Variants in CNTN4 observed in about 807,000 individuals in gnomAD.
CNTN4 encodes the protein contactin-4.
Under a neutral mutation model 122.5 loss-of-function variants are expected in CNTN4, and 77 were observed. That is an observed-to-expected ratio of 0.63 (90% CI 0.52 to 0.76). CNTN4 has a LOEUF of 0.76. Ranked by LOEUF, CNTN4 falls within the 30% of genes least tolerant of loss-of-function variation. CNTN4 has a pLI of 0.00. For synonymous variants in CNTN4, 512 were observed against 447.0 expected (o/e 1.15, Z -1.83); for missense variants, 1,256 against 1,259.1 (o/e 1.00, Z 0.04).
intron 3 of CNTN4, among the ~76,000 whole-genome samples, chr3:2,522,231 A>C (rs996841090): frequency 6.6e-6 from 1 of 151,742 alleles, no homozygotes; most frequent in Admixed American, 6.6e-5. Context: ...TACCAGTACA[A>C]TATGCTTTAC....
intron 4 of CNTN4, among the ~76,000 whole-genome samples, chr3:2,660,760 G>A (rs1162487799): frequency 1.3e-5 from 2 of 152,204 alleles, no homozygotes; most frequent in Admixed American, 6.5e-5. Context: ...ACACAGGAAT[G>A]CTTTTTTCCG....
At chr3:2,627,524 C>T (rs549344748) in intron 4 of CNTN4, among the ~76,000 whole-genome samples, 172 of 131,778 alleles carry the variant, frequency 1.3e-3, no homozygotes, top group Non-Finnish European at 2.3e-3. Context: ...GATGGAATCT[C>T]ACTCTGTCGC....
chr3:2,450,795 A>G (rs947162885), intron 3 of CNTN4, among the ~76,000 whole-genome samples: 1 of 152,240 alleles, frequency 6.6e-6, no homozygotes, highest in African/African-American at 2.4e-5. Context: ...ACCTGACTCA[A>G]CCAAACAAGT....
chr3:2,406,178 A>G (rs1361382451), intron 3 of CNTN4, among the ~76,000 whole-genome samples: 2 of 152,250 alleles, frequency 1.3e-5, no homozygotes, highest in Non-Finnish European at 2.9e-5. Context: ...TTTATTAATT[A>G]TAAAGGGGAA....
At chr3:2,859,531 T>G (rs1465118778) in intron 7 of CNTN4, among the ~76,000 whole-genome samples, 11 of 101,314 alleles carry the variant, frequency 1.1e-4, no homozygotes, top group Non-Finnish European at 7.9e-5. Flanking sequence ...AAAAGGATGC[T>G]TTCCTGGTTT....
At chr3:2,469,409 T>C (rs1414320054) in intron 3 of CNTN4, among the ~76,000 whole-genome samples, 1 of 152,204 alleles carries the variant, frequency 6.6e-6, no homozygotes, top group Non-Finnish European at 1.5e-5. Context: ...CCATGTTAAT[T>C]CTAACAGAGG....
chr3:3,025,228 T>C (rs1481557228), intron 14 of CNTN4, among the ~76,000 whole-genome samples: 1 of 152,138 alleles, frequency 6.6e-6, no homozygotes, highest in Non-Finnish European at 1.5e-5. Context: ...TAAACTATAA[T>C]GTAAAGGGTG....
intron 4 of CNTN4, among the ~76,000 whole-genome samples, chr3:2,705,648 A>G (rs1402805470): frequency 1.1e-5 from 1 of 89,820 alleles, no homozygotes; most frequent in African/African-American, 4.6e-5. Context: ...ATTATATATA[A>G]AAAGTATATT....
At chr3:2,100,442 A>C (rs571321342) in intron 1 of CNTN4, 116 bp from the exon 2 acceptor site, 2 of 152,128 alleles carry the variant, frequency 1.3e-5, no homozygotes, top group Non-Finnish European at 2.9e-5. Context: ...TGTCCTTTAG[A>C]GAGTGGGGTA....
chr3:2,571,432 A>T lies in CNTN4; in HGVS notation c.-72A>T. On this transcript the variant is annotated 5_prime_UTR_variant, in exon 4 of 25. Transcript: ENST00000418658. ...TTCCCACAGATTAAAGGTTATACAA[A>T]ACTTAAAAGAAGCAGCAATTCTATT... is the stretch of plus-strand genomic sequence containing the variant. 1.9e-6 allele frequency: 2 copies of T among 1,070,776 alleles called. No individual in the cohort carries two copies. Among genetic ancestry groups the T allele is most frequent in the Admixed American group, 3.4e-5 (2 of 59,130 alleles). The allele number at this position is 1,070,776 out of a possible 1,614,324, so 66.3% of individuals were successfully genotyped here. A position where few individuals can be genotyped will look rare whatever the true frequency, so the allele number is the denominator to read the frequency against.
chr3:2,938,871 G>A (rs1355540306), intron 13 of CNTN4, among the ~76,000 whole-genome samples: 3 of 152,168 alleles, frequency 2.0e-5, no homozygotes, highest in African/African-American at 7.2e-5. Context: ...GTGGAGTTAA[G>A]TGATCATGAA....
At chr3:2,898,920 C>T (rs1446278665) in intron 10 of CNTN4, among the ~76,000 whole-genome samples, 1 of 152,142 alleles carries the variant, frequency 6.6e-6, no homozygotes, top group Admixed American at 6.5e-5. Flanking sequence ...GCTTCCTTTG[C>T]ATTAGCAGCA....
chr3:2,465,023 A>G (rs577911504), intron 3 of CNTN4, among the ~76,000 whole-genome samples: 1 of 152,220 alleles, frequency 6.6e-6, no homozygotes, highest in African/African-American at 2.4e-5. Context: ...GGGAATGATG[A>G]AAAAGGTCTG....
At chr3:2,258,067 TCAATC>T in intron 2 of CNTN4, among the ~76,000 whole-genome samples, 1 of 151,956 alleles carries the variant, frequency 6.6e-6, no homozygotes, top group East Asian at 1.9e-4. Flanking sequence ...CATCTCAAAA[TCAATC>T]AATCAATCAA....
chr3:2,865,293 C>A (rs1157331363), intron 7 of CNTN4, among the ~76,000 whole-genome samples: 1 of 152,142 alleles, frequency 6.6e-6, no homozygotes, highest in African/African-American at 2.4e-5. Flanking sequence ...CTCCTTTGTG[C>A]GTAAACAGTG....
At position 2,709,275 on chromosome 3, in the gene CNTN4, A is replaced by G. The variant is rs1301226026; in HGVS notation, c.56-26940A>G. On this transcript the variant is annotated intron_variant, in intron 4 of 24. Transcript: ENST00000418658. This position sits in a 1 kb window ranked among gnomAD's most constrained non-coding sequence, Gnocchi z 5.0. The stretch of plus-strand genomic sequence containing the variant: ...TTGTTTTGTTTTTAAATCTTGAAAG[A>G]GACCTGAATTTATAATTAGTACAGT... 6.6e-6 allele frequency among the ~76,000 whole-genome samples: 1 copy of G among 152,232 alleles called. No individual in the cohort carries two copies. Among genetic ancestry groups the G allele is most frequent in the Non-Finnish European group, 1.5e-5 (1 of 68,048 alleles).
intron 9 of CNTN4, among the ~76,000 whole-genome samples, chr3:2,884,894 G>T (rs2093953498): frequency 6.6e-6 from 1 of 152,206 alleles, no homozygotes; most frequent in African/African-American, 2.4e-5. Flanking sequence ...ACATCCAGCT[G>T]CTGAAACACA....
chr3:2,577,583 T>G (rs1018194742), intron 4 of CNTN4, among the ~76,000 whole-genome samples: 13 of 152,300 alleles, frequency 8.5e-5, no homozygotes, highest in African/African-American at 2.9e-4. Context: ...TTCCAGTAAT[T>G]TACAATTCTA....
At chr3:2,346,964 T>C (rs932596028) in intron 3 of CNTN4, among the ~76,000 whole-genome samples, 8 of 151,624 alleles carry the variant, frequency 5.3e-5, no homozygotes, top group African/African-American at 1.9e-4. Context: ...TTAAACATAT[T>C]TGGACCATTT....
Sources: allele counts gnomAD v4.1 joint callset (sites outside exome capture counted in the v4.1 genomes callset), GRCh38; gene constraint gnomAD v4.1.1; non-coding constraint Gnocchi (gnomAD v3.1); transcripts MANE v1.5; gene names NCBI Gene and HGNC (gene_info 2026-07-23, HGNC 2026-07-21).